Variants in GDPD1 observed in about 807,000 individuals in gnomAD.
GDPD1 encodes lysophospholipase D GDPD1.
Under a neutral mutation model 45.1 loss-of-function variants are expected in GDPD1, and 28 were observed. The ratio of observed to expected loss-of-function variants is 0.62; its 90% CI spans 0.46 to 0.85. The LOEUF is 0.85. Ranked by LOEUF, GDPD1 falls within the 40% of genes least tolerant of loss-of-function variation. The pLI is 0.00. For synonymous variants in GDPD1, 139 were observed against 131.4 expected (o/e 1.06, Z -0.40); for missense variants, 256 against 364.8 (o/e 0.70, Z 2.43).
At chr17:59,249,508 T>A (rs1228915778) in intron 4 of GDPD1, among the ~76,000 whole-genome samples, 1 of 152,240 alleles carries the variant, frequency 6.6e-6, no homozygotes, top group Non-Finnish European at 1.5e-5. Flanking sequence ...TTCTGTCTTT[T>A]AGCTGCTCCA....
In GDPD1 at chr17:59,257,747, G is replaced by A. The variant is rs185365386; in HGVS notation, c.487-4G>A. On this transcript the variant is annotated splice_polypyrimidine_tract_variant and splice_region_variant and intron_variant, in intron 5 of 9. Coordinates refer to ENST00000284116, the MANE Select transcript of GDPD1 (RefSeq NM_182569.4). ...TGCATAAAATTTTGAATTTTCACAC[G>A]TAGGTTTCAGAGTTGGTGAAGCGGT... The A allele has an allele frequency of 3.0e-5, 47 of 1,590,620 alleles. No homozygotes were observed. Among genetic ancestry groups the A allele is most frequent in the Middle Eastern group, 3.3e-4 (2 of 5,998 alleles).
At chr17:59,245,966 A>G (rs1217567217) in intron 3 of GDPD1, among the ~76,000 whole-genome samples, 1 of 151,700 alleles carries the variant, frequency 6.6e-6, no homozygotes, top group African/African-American at 2.4e-5. Context: ...ACTAAAAAAT[A>G]CAAAAATTAG....
At chr17:59,272,685 A>G in intron 8 of GDPD1, 100 bp from the exon 9 acceptor site, 1 of 725,224 alleles carries the variant, frequency 1.4e-6, no homozygotes, top group Admixed American at 2.0e-5. Context: ...TTATTGCTGA[A>G]GCATTGGGAT....
chr17:59,220,848 T>C (rs1275780848), intron 1 of GDPD1, 97 bp downstream of exon 1: 2 of 1,378,068 alleles, frequency 1.5e-6, no homozygotes, highest in Admixed American at 1.9e-5. Context: ...CCCTGAGAGT[T>C]TGAGGAAGAA....
intron 1 of GDPD1, among the ~76,000 whole-genome samples, chr17:59,222,353 C>T (rs1252823814): frequency 2.0e-5 from 3 of 151,456 alleles, no homozygotes; most frequent in Non-Finnish European, 2.9e-5. Context: ...ACTACAGGCG[C>T]CCGCCACCAC....
At chr17:59,257,695 T>G in intron 5 of GDPD1, 56 bp from the exon 6 acceptor site, 1 of 1,025,782 alleles carries the variant, frequency 9.7e-7, no homozygotes, top group Non-Finnish European at 1.5e-6. Flanking sequence ...AAGTGAAATG[T>G]TGTTAGTGGA....
intron 6 of GDPD1, among the ~76,000 whole-genome samples, chr17:59,265,497 A>G (rs902543561): frequency 2.0e-5 from 3 of 152,006 alleles, no homozygotes; most frequent in Non-Finnish European, 4.4e-5. Flanking sequence ...TGATCCAGCC[A>G]CTGTACTCTA....
intron 7 of GDPD1, among the ~76,000 whole-genome samples, chr17:59,270,069 A>C (rs2047432989): frequency 6.6e-6 from 1 of 152,158 alleles, no homozygotes; most frequent in Non-Finnish European, 1.5e-5. Flanking sequence ...TTTCTAAGAC[A>C]ATATAGTGAT....
chr17:59,254,507 GTGACAGATTGAGACCCTGTC>G (rs1224793550), intron 4 of GDPD1, among the ~76,000 whole-genome samples: 1 of 152,118 alleles, frequency 6.6e-6, no homozygotes, highest in African/African-American at 2.4e-5. Context: ...TCCAGCCTGG[GTGACAGATTGAGACCCTGTC>G]TCAAAATATA....
Position 59,257,102 on chromosome 17 carries a change from T to A in GDPD1, c.368-20T>A, listed in dbSNP as rs776232528. The A allele has an allele frequency of 1.9e-5, 24 of 1,275,318 alleles. No individual in the cohort carries two copies. Among genetic ancestry groups the A allele is most frequent in the Non-Finnish European group, 4.5e-6 (4 of 894,224 alleles). 79.0% of individuals were successfully genotyped at this position (1,275,318 alleles called of 1,614,324 possible). ...AAAACTTATATTTAAAAAATACATT[T>A]AAAAATCTTGCTTTCTCAGCATGCC... On this transcript the variant is annotated intron_variant, in intron 4 of 9. Coordinates refer to ENST00000284116, the MANE Select transcript of GDPD1 (RefSeq NM_182569.4).
In GDPD1 at chr17:59,275,293, C is replaced by A; in HGVS notation, c.*1520C>A. 1.0e-6 allele frequency: 1 copy of A among 964,738 alleles called. No individual in the cohort carries two copies. 59.8% of individuals were successfully genotyped at this position (964,738 alleles called of 1,614,324 possible). A position where few individuals can be genotyped will look rare whatever the true frequency, so the allele number is the denominator to read the frequency against. On this transcript the variant is annotated 3_prime_UTR_variant, in exon 10 of 10. Coordinates refer to ENST00000284116, the MANE Select transcript of GDPD1 (RefSeq NM_182569.4). ...GCAAGTTATACATAATCAGCAGCAG[C>A]CAGGCTCAAGAAAATAAAAGTTGAT...
At chr17:59,272,062 TA>T (rs1487059304) in intron 8 of GDPD1, among the ~76,000 whole-genome samples, 1 of 152,188 alleles carries the variant, frequency 6.6e-6, no homozygotes, top group Non-Finnish European at 1.5e-5. Context: ...TGTACTCAAG[TA>T]AAACCAGGAT....
At chr17:59,265,650 C>A (rs1372855780) in intron 6 of GDPD1, among the ~76,000 whole-genome samples, 12 of 151,808 alleles carry the variant, frequency 7.9e-5, no homozygotes, top group Admixed American at 7.9e-4. Flanking sequence ...GTATTCCCAG[C>A]ACTTTGAGAG....
intron 4 of GDPD1, among the ~76,000 whole-genome samples, chr17:59,251,026 C>T (rs974871682): frequency 6.6e-6 from 1 of 152,042 alleles, no homozygotes; most frequent in Non-Finnish European, 1.5e-5. Flanking sequence ...TGTGAAGAGA[C>T]CTTTGAGACT....
rs571032833 is a variant in GDPD1 at position 59,224,296 on chromosome 17, A to G, written c.142+3545A>G. 2.6e-5 allele frequency among the ~76,000 whole-genome samples: 4 copies of G among 152,294 alleles called. No individual in the cohort carries two copies. The East Asian group carries it at 7.7e-4, about 29-fold the overall frequency. On this transcript the variant is annotated intron_variant, in intron 1 of 9. Transcript: ENST00000284116. ...CATATGGTTCAAATTCCATATTGCA[A>G]TGACCTTTTAAGAAACTACCACTTG... is the stretch of plus-strand genomic sequence containing the variant.
intron 7 of GDPD1, among the ~76,000 whole-genome samples, chr17:59,269,758 G>T (rs750547995): frequency 3.9e-5 from 6 of 151,976 alleles, no homozygotes; most frequent in Non-Finnish European, 8.8e-5. Context: ...AGAAGGTGGG[G>T]GTTGCAGTGA....
chr17:59,237,685 G>A (rs1260262064), intron 2 of GDPD1, among the ~76,000 whole-genome samples: 2 of 152,094 alleles, frequency 1.3e-5, no homozygotes, highest in Non-Finnish European at 2.9e-5. Context: ...TAAATAGTTG[G>A]TGTGGGAAGC....
chr17:59,251,857 T>C (rs2047256530), intron 4 of GDPD1, among the ~76,000 whole-genome samples: 1 of 150,284 alleles, frequency 6.7e-6, no homozygotes, highest in South Asian at 2.1e-4. Context: ...ATAATAAAAA[T>C]AATATTAGCC....
At chr17:59,244,296 G>A (rs1210035379) in intron 2 of GDPD1, among the ~76,000 whole-genome samples, 2 of 152,132 alleles carry the variant, frequency 1.3e-5, no homozygotes, top group Admixed American at 1.3e-4. Context: ...TGTGCAGTGT[G>A]TTTACTGGAG....
Sources: allele counts gnomAD v4.1 joint callset (sites outside exome capture counted in the v4.1 genomes callset), GRCh38; gene constraint gnomAD v4.1.1; transcripts MANE v1.5; gene names NCBI Gene and HGNC (gene_info 2026-07-23, HGNC 2026-07-21).